Variants in RBFOX1 observed in about 807,000 individuals in gnomAD.
The protein encoded by RBFOX1 is RNA binding protein fox-1 homolog 1.
In RBFOX1, 8 loss-of-function variants were observed where a neutral mutation model predicts 57.7. The observed-to-expected ratio is 0.14, with a 90% CI of 0.08 to 0.25. The LOEUF (loss-of-function observed/expected upper bound fraction) is 0.25. Ranked by LOEUF, RBFOX1 falls within the 10% of genes least tolerant of loss-of-function variation. The probability of loss-of-function intolerance (pLI) is 1.00; values close to 1 mark genes in which losing one functional copy is unlikely to be tolerated. For synonymous variants in RBFOX1, 326 were observed against 222.4 expected, an observed-to-expected ratio of 1.47 and a Z score of -4.15; for missense variants, 611 against 548.5, an observed-to-expected ratio of 1.11 and a Z score of -1.14.
At chr16:7,627,263 C>T (rs748003549) in intron 10 of RBFOX1, among the ~76,000 whole-genome samples, 15 of 151,304 alleles carry the variant, frequency 9.9e-5, no homozygotes, top group East Asian at 3.9e-4. Context: ...GTTTCATCCA[C>T]TTCACCAACT....
intron 5 of RBFOX1, among the ~76,000 whole-genome samples, chr16:7,576,958 G>C (rs979195915): frequency 1.3e-5 from 2 of 152,210 alleles, no homozygotes; most frequent in African/African-American, 4.8e-5. Flanking sequence ...CTTCTGAAAA[G>C]TGACAGTTGC....
intron 3 of RBFOX1, among the ~76,000 whole-genome samples, chr16:6,906,492 A>T (rs1201195490): frequency 6.6e-6 from 1 of 151,834 alleles, no homozygotes; most frequent in Non-Finnish European, 1.5e-5. Flanking sequence ...TGTATGCATT[A>T]AAAAAAAGTG....
rs576755702 is a variant in RBFOX1, at chr16:5,407,854, C to T, written c.220-59362C>T. The stretch of plus-strand genomic sequence containing the variant: ...GTGAGCCACTGCACATGGCCCAGGC[C>T]TTTGGGCTTTAACCCAAGTCCCGTG... On this transcript the variant is annotated intron_variant, in intron 1 of 2. Coordinates refer to the RBFOX1 transcript ENST00000585867. 2.6e-5 allele frequency among the ~76,000 whole-genome samples: 4 copies of T among 152,340 alleles called. No homozygotes were observed. In the South Asian group the frequency reaches 8.3e-4, roughly 32 times the overall value.
At position 6,917,881 on chromosome 16, in the gene RBFOX1, C is replaced by T. The variant is rs900141469; in HGVS notation, c.-15-134176C>T. On this transcript the variant is annotated intron_variant, in intron 3 of 15. Transcript: ENST00000550418. ...TCCTGGAAAAATACCAAGAAACTGA[C>T]ACAAGTCGAAAGAGGGACAATGGAG... is the stretch of plus-strand genomic sequence containing the variant. 3.3e-5 allele frequency among the ~76,000 whole-genome samples: 5 copies of T among 152,158 alleles called. 1 individual carries two copies. In the East Asian group the frequency reaches 9.6e-4, roughly 29 times the overall value.
At chr16:5,467,159 T>G (rs2068976846) in intron 1 of RBFOX1, 6 of 1,410,332 alleles carry the variant, frequency 4.3e-6, no homozygotes, top group Non-Finnish European at 5.7e-6. Context: ...TGTTTCAATG[T>G]AGACTCAATG....
chr16:5,941,244 C>T (rs935651773), intron 4 of RBFOX1, among the ~76,000 whole-genome samples: 2 of 152,000 alleles, frequency 1.3e-5, no homozygotes, highest in Non-Finnish European at 2.9e-5. Context: ...AATCCCAATG[C>T]TTTGGAAGGC....
intron 3 of RBFOX1, among the ~76,000 whole-genome samples, chr16:5,650,619 A>G (rs1422206217): frequency 6.6e-6 from 1 of 152,180 alleles, no homozygotes; most frequent in Non-Finnish European, 1.5e-5. Context: ...TAGTTCTGCC[A>G]GCTGCTTAGA....
chr16:5,327,922 C>T lies in RBFOX1; in HGVS notation c.219+87817C>T, dbSNP rs9972809. Among the ~76,000 whole-genome samples the T allele has an allele frequency of 4.9e-3, 750 of 152,298 alleles. 8 individuals are homozygous for T. Among genetic ancestry groups the T allele is most frequent in the African/African-American group, 0.017 (720 of 41,554 alleles). On this transcript the variant is annotated intron_variant, in intron 1 of 2. Transcript: ENST00000585867. ...GGCTTAAAAATGGTTGTATCCCTTT[C>T]TGGCTTTCCATATTGTTTCTCTGAT...
At chr16:6,555,882 C>G (rs2153891638) in intron 2 of RBFOX1, among the ~76,000 whole-genome samples, 1 of 152,222 alleles carries the variant, frequency 6.6e-6, no homozygotes, top group Non-Finnish European at 1.5e-5. Flanking sequence ...TTAGTCAATT[C>G]TCATTAAATA....
intron 1 of RBFOX1, among the ~76,000 whole-genome samples, chr16:6,116,689 C>T (rs2096498764): frequency 6.6e-6 from 1 of 152,142 alleles, no homozygotes; most frequent in African/African-American, 2.4e-5. Context: ...TCTTTCATTG[C>T]CGTTTAATCA....
chr16:6,281,326 T>A (rs1427990677), intron 1 of RBFOX1, among the ~76,000 whole-genome samples: 1 of 152,100 alleles, frequency 6.6e-6, no homozygotes, highest in Non-Finnish European at 1.5e-5. Context: ...GGAAGATGCA[T>A]CTCAGAGAGA....
rs546763098 is a variant in RBFOX1 at position 5,383,671 on chromosome 16, A to G, written c.220-83545A>G. 4.6e-5 allele frequency among the ~76,000 whole-genome samples: 7 copies of G among 152,322 alleles called. No individual in the cohort carries two copies. In the South Asian group the frequency reaches 1.2e-3, roughly 27 times the overall value. ...AACTTAGAAGTTGAATTTCATTGCA[A>G]CACATGTTTATAAGATGTTTCACAC... On this transcript the variant is annotated intron_variant, in intron 1 of 2. Coordinates refer to the RBFOX1 transcript ENST00000585867.
At chr16:6,789,524 T>C (rs1186099805) in intron 3 of RBFOX1, among the ~76,000 whole-genome samples, 1 of 152,244 alleles carries the variant, frequency 6.6e-6, no homozygotes, top group Non-Finnish European at 1.5e-5. Flanking sequence ...ATGCTGGTTG[T>C]GCAAATTTAA....
chr16:7,056,840 C>T (rs1196995023), intron 4 of RBFOX1, among the ~76,000 whole-genome samples: 1 of 152,086 alleles, frequency 6.6e-6, no homozygotes, highest in Non-Finnish European at 1.5e-5. Context: ...TGCAATATGG[C>T]AATGTGACTC....
intron 4 of RBFOX1, among the ~76,000 whole-genome samples, chr16:7,095,166 T>C (rs1266002374): frequency 2.0e-5 from 3 of 152,134 alleles, no homozygotes; most frequent in Admixed American, 6.5e-5. Flanking sequence ...GGCTGGAGTT[T>C]CACTCTGTCG....
intron 2 of RBFOX1, among the ~76,000 whole-genome samples, chr16:6,376,301 TG>T (rs1473136656): frequency 2.3e-5 from 2 of 87,970 alleles, no homozygotes; most frequent in East Asian, 3.2e-4. Flanking sequence ...GTTTGTTGGT[TG>T]GTTGTTGTTG....
intron 2 of RBFOX1, among the ~76,000 whole-genome samples, chr16:5,570,849 A>AAAT (rs1555468109): frequency 6.6e-6 from 1 of 151,688 alleles, no homozygotes; most frequent in African/African-American, 2.4e-5. Flanking sequence ...CAAAAAAAAA[A>AAAT]AAAATAAAGC....
chr16:7,438,335 G>A (rs886549611), intron 4 of RBFOX1, among the ~76,000 whole-genome samples: 1 of 152,044 alleles, frequency 6.6e-6, no homozygotes, highest in African/African-American at 2.4e-5. Context: ...TGCTACTTTG[G>A]ATGTCAGTCC....
chr16:6,937,599 A>G (rs756266182), intron 3 of RBFOX1, among the ~76,000 whole-genome samples: 1 of 152,108 alleles, frequency 6.6e-6, no homozygotes, highest in Non-Finnish European at 1.5e-5. Context: ...CATTAATCAA[A>G]TACATGTGAG....
Sources: gnomAD v4.1 joint callset for allele counts (sites outside exome capture counted in the v4.1 genomes callset) on GRCh38, gnomAD v4.1.1 for gene constraint, MANE v1.5 for transcripts, NCBI Gene and HGNC (gene_info 2026-07-23, HGNC 2026-07-21) for gene names.